The following AKAP8 variants were observed in gnomAD, a reference collection of about 807,000 sequenced individuals.
AKAP8 encodes A-kinase anchor protein 8.
In AKAP8, 24 loss-of-function variants were observed where a neutral mutation model predicts 67.5. That is an observed-to-expected ratio of 0.36 (90% confidence interval 0.26 to 0.50). The LOEUF is 0.50. Ranked by LOEUF, AKAP8 falls within the 20% of genes least tolerant of loss-of-function variation. The pLI, the probability that AKAP8 is intolerant of heterozygous loss-of-function variation, is 0.97. For synonymous variants in AKAP8, 400 were observed against 371.1 expected (o/e 1.08, Z -0.90); for missense variants, 971 against 955.9 (o/e 1.02, Z -0.21).
chr19:15,377,147 C>T, intron 1 of AKAP8, 133 bp from the exon 2 acceptor site: 1 of 1,007,104 alleles, frequency 9.9e-7, no homozygotes, highest in Non-Finnish European at 1.4e-6. Flanking sequence ...CCCCACCCCA[C>T]CAAAAAAAAG....
intron 13 of AKAP8, among the ~76,000 whole-genome samples, chr19:15,357,790 T>G (rs1289415839): frequency 1.2e-4 from 18 of 147,840 alleles, no homozygotes; most frequent in Non-Finnish European, 4.5e-5. Flanking sequence ...CTTGGCTCAC[T>G]GCAACCTCCG....
rs1967114286 is a variant in AKAP8 at position 15,369,116 on chromosome 19, G to A, written c.1073-794C>T. 2.0e-6 allele frequency: 2 copies of A among 985,444 alleles called. No homozygotes were observed. The highest frequency in any genetic ancestry group is 2.4e-6 in the Non-Finnish European group (2 of 829,974). 61.0% of individuals were successfully genotyped at this position (985,444 alleles called of 1,614,324 possible). A position where few individuals can be genotyped will look rare whatever the true frequency, so the allele number is the denominator to read the frequency against. ...CCCACGAAGATGGCGACCGGCGTGC[G>A]CTGCTCAGAAGCCTCTCAAAAGGGC... On this transcript the variant is annotated intron_variant, in intron 8 of 13. Transcript: ENST00000269701. The surrounding 1 kb of genome is among the most constrained non-coding windows in gnomAD (Gnocchi z 4.6).
intron 11 of AKAP8, chr19:15,361,390 G>A (rs1012115193): frequency 1.6e-4 from 32 of 199,658 alleles, no homozygotes; most frequent in African/African-American, 6.6e-4. Flanking sequence ...TTGCTCTGTC[G>A]CCTAGGCTGG....
At position 15,355,066 on chromosome 19, in the gene AKAP8, C is replaced by G. The variant is rs1193297378; in HGVS notation, c.1928G>C (p.Arg643Thr). The stretch of plus-strand genomic sequence containing the variant: ...ATTTCCAGCCTCTGCAGCCTCACTT[C>G]TGGCCTTGGGGACGCCCTTCTCATG... The part of the protein sequence containing the change: ...TAHEKGVPKA[R>T]SEAAEAGNGA... The change falls in exon 14 of 14, where the codon AGA becomes ACA. Residue 643 changes from arginine to threonine, a missense_variant. Physicochemically the swap from Arg to Thr is moderately conservative, Grantham distance 71 (BLOSUM62 -1). Around this residue, in one of 3 missense-constraint regions of AKAP8, gnomAD observed 204 missense variants for 193.0 expected, o/e 1.06. Coordinates refer to ENST00000269701, the MANE Select transcript of AKAP8 (RefSeq NM_005858.4). 5 of 1,614,032 alleles carry G rather than the reference C, an allele frequency of 3.1e-6. No individual in the cohort carries two copies. Among genetic ancestry groups the G allele is most frequent in the Non-Finnish European group, 3.4e-6 (4 of 1,180,054 alleles).
Position 15,372,233 on chromosome 19 carries a change from C to G in AKAP8, c.976G>C (p.Asp326His), listed in dbSNP as rs1338832066. Reference protein sequence around the residue: ...TKLARVDSEGDFSENDDAAGD... With the variant: ...TKLARVDSEGHFSENDDAAGD... Reference sequence around the variant, plus strand: ...CAGGACATACCATTTTCGGAGAAATCTCCTTCACTGTCAACCCGGGCCAGT... The same window carrying G: ...CAGGACATACCATTTTCGGAGAAATGTCCTTCACTGTCAACCCGGGCCAGT... Residue 326 changes from aspartate to histidine, a missense_variant, in exon 6 of 14, where the codon GAT becomes CAT. Asp to His is a moderately conservative substitution (Grantham distance 81). This residue lies in a region of AKAP8 where 763 missense variants were observed against 745.4 expected (regional missense o/e 1.02). Transcript: ENST00000269701. The G allele has an allele frequency of 6.2e-7, 1 of 1,614,228 alleles. No homozygotes were observed. Among genetic ancestry groups the G allele is most frequent in the Non-Finnish European group, 8.5e-7 (1 of 1,180,036 alleles).
Position 15,373,117 on chromosome 19 carries a change from T to C in AKAP8, c.595A>G (p.Ser199Gly). Residue 199 changes from serine to glycine, a missense_variant, in exon 5 of 14, where the codon AGC becomes GGC. Physicochemically the swap from Ser to Gly is moderately conservative, Grantham distance 56. This residue lies in a region of AKAP8 where 763 missense variants were observed against 745.4 expected (regional missense o/e 1.02). Transcript: ENST00000269701. ...CTGCGCATGAAGGTGCCAGGGTTGC[T>C]CCGGTCCTGGAAGCGGCCCTGGCCC... Reference protein sequence around the residue: ...GRGQGRFQDRSNPGTFMRSDP... With the variant: ...GRGQGRFQDRGNPGTFMRSDP... 1.9e-6 allele frequency: 3 copies of C among 1,612,674 alleles called. No individual in the cohort carries two copies. The highest frequency in any genetic ancestry group is 2.5e-6 in the Non-Finnish European group (3 of 1,179,802).
Position 15,372,352 on chromosome 19 carries a change from AGAC to A in AKAP8, c.862-8_862-6del, listed in dbSNP as rs1568253066. On this transcript the variant is annotated splice_region_variant and splice_polypyrimidine_tract_variant and intron_variant, in intron 5 of 13. Transcript: ENST00000269701. ...GTCAAACCCTCTCCTCTTGGGCTAC[AGAC>A]AACAAGCACACCCCATGAGCTACTT... The A allele has an allele frequency of 1.2e-6, 2 of 1,614,056 alleles. No homozygotes were observed. The highest frequency in any genetic ancestry group is 1.3e-5 in the African/African-American group (1 of 74,932).
At chr19:15,365,955 G>A (rs569299728) in intron 9 of AKAP8, among the ~76,000 whole-genome samples, 34 of 151,434 alleles carry the variant, frequency 2.2e-4, no homozygotes, top group African/African-American at 8.2e-4. Flanking sequence ...CCCAGGAGGT[G>A]GACTGTTGCA....
At chr19:15,355,521 G>A (rs1487209439) in intron 13 of AKAP8, 151 bp from the exon 14 acceptor site, 3 of 782,008 alleles carry the variant, frequency 3.8e-6, no homozygotes, top group South Asian at 1.9e-5. Context: ...TGTTCTCAGA[G>A]CCTACAGATT....
At chr19:15,370,265 T>C in intron 7 of AKAP8, 86 bp from the exon 8 acceptor site, 1 of 1,501,398 alleles carries the variant, frequency 6.7e-7, no homozygotes, top group Non-Finnish European at 9.2e-7. Context: ...CACTGCCTGG[T>C]GGGCAGTCTC....
chr19:15,355,321 T>A lies in AKAP8; in HGVS notation c.1673A>T (p.Asp558Val). The A allele has an allele frequency of 6.2e-7, 1 of 1,613,748 alleles. No individual in the cohort carries two copies. Among genetic ancestry groups the A allele is most frequent in the East Asian group, 2.2e-5 (1 of 44,876 alleles). The part of the protein sequence containing the change: ...SETVDPEMEG[D>V]DNLGGEDKKE... ...CTTATCCTCACCTCCTAAATTGTCA[T>A]CTCCTTCCATTTCTGGATCAACAGT... Residue 558 changes from aspartate (D) to valine (V), a missense_variant, in exon 14 of 14, where the codon GAT becomes GTT. Transcript: ENST00000269701.
chr19:15,379,773 C>A lies in AKAP8; in HGVS notation c.-42G>T. 6.2e-7 allele frequency: 1 copy of A among 1,609,306 alleles called. No homozygotes were observed. Among genetic ancestry groups the A allele is most frequent in the African/African-American group, 1.3e-5 (1 of 74,710 alleles). On this transcript the variant is annotated 5_prime_UTR_variant, in exon 1 of 14. Transcript: ENST00000269701. ...ACCAGCAGCCCCGTTTACTAGGCGACCACAGCACGCATGCGTTCAGCGCAC... is the reference window on the plus strand; with the variant it reads ...ACCAGCAGCCCCGTTTACTAGGCGAACACAGCACGCATGCGTTCAGCGCAC...
intron 2 of AKAP8, among the ~76,000 whole-genome samples, chr19:15,376,628 G>C (rs1186295688): frequency 2.0e-5 from 3 of 152,252 alleles, no homozygotes; most frequent in South Asian, 4.1e-4. Flanking sequence ...GGTAATTATA[G>C]AGAAAAAACA....
intron 3 of AKAP8, 80 bp downstream of exon 3, chr19:15,374,523 C>T (rs1304985041): frequency 1.3e-6 from 2 of 1,533,162 alleles, no homozygotes; most frequent in Non-Finnish European, 1.8e-6. Flanking sequence ...CGCCAGACCT[C>T]CCTGACGGGC....
At position 15,355,253 on chromosome 19, in the gene AKAP8, C is replaced by T; in HGVS notation, c.1741G>A (p.Val581Met). 6.2e-7 allele frequency: 1 copy of T among 1,612,448 alleles called. No individual in the cohort carries two copies. The highest frequency in any genetic ancestry group is 8.5e-7 in the Non-Finnish European group (1 of 1,180,030). Residue 581 changes from valine (V) to methionine (M), a missense_variant, in exon 14 of 14, where the codon GTG (valine) becomes ATG (methionine). Transcript: ENST00000269701. ...EEVAADVLAE[V>M]ITAAVRAVDG... is the part of the protein sequence containing the mutation. ...ACGGCCCTCACTGCTGCTGTAATCA[C>T]CTCTGCTAAGACGTCCGCGGCCACC... is the stretch of plus-strand genomic sequence containing the variant.
In AKAP8 at chr19:15,372,230, A is replaced by G; in HGVS notation, c.979T>C (p.Phe327Leu). The G allele has an allele frequency of 6.2e-7, 1 of 1,614,106 alleles. No individual in the cohort carries two copies. The highest frequency in any genetic ancestry group is 1.1e-5 in the South Asian group (1 of 91,076). The stretch of plus-strand genomic sequence containing the variant: ...CCCCAGGACATACCATTTTCGGAGA[A>G]ATCTCCTTCACTGTCAACCCGGGCC... ...KLARVDSEGD[F>L]SENDDAAGDF... Residue 327 changes from phenylalanine (F) to leucine (L), a missense_variant, in exon 6 of 14, where the codon TTC becomes CTC. Transcript: ENST00000269701.
intron 9 of AKAP8, among the ~76,000 whole-genome samples, chr19:15,364,300 T>C (rs1396060179): frequency 6.6e-6 from 1 of 151,390 alleles, no homozygotes; most frequent in Non-Finnish European, 1.5e-5. Flanking sequence ...TAGCTGGGAT[T>C]ACAGGGGCCC....
At chr19:15,356,361 C>T (rs187392901) in intron 13 of AKAP8, among the ~76,000 whole-genome samples, 125 of 152,144 alleles carry the variant, frequency 8.2e-4, no homozygotes, top group African/African-American at 2.7e-3. Flanking sequence ...GTCGAGATCA[C>T]GCCACTGAAC....
intron 9 of AKAP8, among the ~76,000 whole-genome samples, chr19:15,365,674 T>A (rs1021063141): frequency 8.5e-5 from 13 of 152,286 alleles, no homozygotes; most frequent in Non-Finnish European, 1.9e-4. Flanking sequence ...ATGAGCTGTG[T>A]GCTTCCCTGC....
Sources: allele counts gnomAD v4.1 joint callset (sites outside exome capture counted in the v4.1 genomes callset), GRCh38; gene constraint gnomAD v4.1.1; regional missense constraint gnomAD v4.1.1; non-coding constraint Gnocchi (gnomAD v3.1); transcripts MANE v1.5; gene names NCBI Gene and HGNC (gene_info 2026-07-23, HGNC 2026-07-21).